Variants in PIGO observed in about 807,000 individuals in gnomAD.
The protein encoded by PIGO is phosphatidylinositol glycan anchor biosynthesis class O, also known as GPI ethanolamine phosphate transferase 3, catalytic subunit.
Under a neutral mutation model 86.9 loss-of-function variants are expected in PIGO, and 66 were observed. The ratio of observed to expected loss-of-function variants is 0.76; its 90% CI spans 0.62 to 0.93. The LOEUF (loss-of-function observed/expected upper bound fraction) is 0.93. Among genes scored for constraint, PIGO ranks in the 40% least tolerant of loss-of-function variants. The pLI is 0.00. For missense variants in PIGO, 1,202 were observed against 1,359.1 expected (o/e 0.88, Z 1.82); for synonymous variants, 570 against 556.4 (o/e 1.02, Z -0.34).
chr9:35,091,392 T>C lies in PIGO; in HGVS notation c.2495A>G (p.Tyr832Cys), dbSNP rs891803907. Residue 832 changes from tyrosine (Y) to cysteine (C), a missense_variant, in exon 7 of 11, where the codon TAC (tyrosine) becomes TGC (cysteine). Transcript: ENST00000378617. ...GAGGGCTGTGACCATAGCAGCTGAG[T>C]AGACACTCCCCAACTGATAAGCAGC... ...TVAAYQLGSV[Y>C]SAAMVTALTL... 6.2e-7 allele frequency: 1 copy of C among 1,613,844 alleles called. No individual in the cohort carries two copies. Among genetic ancestry groups the C allele is most frequent in the Admixed American group, 1.7e-5 (1 of 59,994 alleles).
chr9:35,092,976 TTCTTTCATGCCCACCC>T, intron 6 of PIGO, 38 bp downstream of exon 6: 1 of 1,556,276 alleles, frequency 6.4e-7, no homozygotes, highest in South Asian at 1.2e-5. Context: ...TTCATTATGC[TTCTTTCATGCCCACCC>T]TAGCTCTGTC....
chr9:35,090,932 A>T (rs890868029), intron 7 of PIGO: 1 of 569,212 alleles, frequency 1.8e-6, no homozygotes, highest in Non-Finnish European at 3.1e-6. Context: ...GCCATTATAT[A>T]TTCACAATTT....
rs1436127368 is a variant in PIGO at position 35,091,839 on chromosome 9, G to A, written c.2048C>T (p.Ala683Val). 2 of 1,614,026 alleles carry A rather than the reference G, an allele frequency of 1.2e-6. No individual in the cohort carries two copies. Among genetic ancestry groups the A allele is most frequent in the Non-Finnish European group, 1.7e-6 (2 of 1,180,046 alleles). Residue 683 changes from alanine (A) to valine (V), a missense_variant, in exon 7 of 11, where the codon GCC (alanine) becomes GTC (valine). Ala to Val is a moderately conservative substitution (Grantham distance 64). Transcript: ENST00000378617. Reference protein sequence around the residue: ...CVAALVALLAAVRLWLRRYGN... With the variant: ...CVAALVALLAVVRLWLRRYGN... The stretch of plus-strand genomic sequence containing the variant: ...ATAGCGGCGAAGCCACAAGCGCACG[G>A]CAGCTAACAGGGCCACCAGCGCCGC...
chr9:35,092,697 T>C lies in PIGO; in HGVS notation c.1190A>G (p.Gln397Arg), dbSNP rs752048368. The change falls in exon 7 of 11, where the codon CAG (glutamine) becomes CGG (arginine). Residue 397 changes from glutamine (Q) to arginine (R), a missense_variant. Transcript: ENST00000378617. ...DLQAKELHQL[Q>R]NLFSKASADY... ...AGCAGAGGCCTTGGAGAAGAGGTTC[T>C]GCAGCTGATGAAGCTCCTTAGCTTG... is the stretch of plus-strand genomic sequence containing the variant. 6.2e-7 allele frequency: 1 copy of C among 1,614,104 alleles called. No individual in the cohort carries two copies. The highest frequency in any genetic ancestry group is 2.2e-5 in the East Asian group (1 of 44,884).
At chr9:35,094,082 A>G (rs1829560112) in intron 3 of PIGO, 58 bp from the exon 4 acceptor site, 5 of 1,587,050 alleles carry the variant, frequency 3.2e-6, no homozygotes, top group Non-Finnish European at 4.3e-6. Context: ...AACCCCAGCC[A>G]GGCTTTGACA....
Position 35,091,365 on chromosome 9 carries a change from G to A in PIGO, c.2522C>T (p.Thr841Ile), listed in dbSNP as rs371089504. Residue 841 changes from threonine (T) to isoleucine (I), a missense_variant, in exon 7 of 11, where the codon ACC becomes ATC. Transcript: ENST00000378617. ...CAGCAGAAGTGGGAAGGCCAACAGG[G>A]TGAGGGCTGTGACCATAGCAGCTGA... Reference protein sequence around the residue: ...VYSAAMVTALTLLAFPLLLLH... With the variant: ...VYSAAMVTALILLAFPLLLLH... 5.6e-6 allele frequency: 9 copies of A among 1,614,218 alleles called. No homozygotes were observed. The African/African-American group carries it at 1.2e-4, about 22-fold the overall frequency.
In PIGO at chr9:35,091,313, C is replaced by G. The variant is rs188635839; in HGVS notation, c.2574G>C (p.Val858=). ...LLLHAERISL[V]FLLLFLQSFL... ...AGCTCTGCAGAAACAGAAGCAGGAA[C>G]ACAAGGCTGATGCGCTCCGCATGCA... Residue 858 remains valine, a synonymous_variant, in exon 7 of 11, where the codon GTG becomes GTC. Coordinates refer to ENST00000378617, the MANE Select transcript of PIGO (RefSeq NM_032634.4). 9 of 1,614,028 alleles carry G rather than the reference C, an allele frequency of 5.6e-6. No individual in the cohort carries two copies. The Admixed American group carries it at 1.2e-4, about 21-fold the overall frequency.
chr9:35,089,353 C>A (rs1371960662), intron 10 of PIGO, 27 bp downstream of exon 10: 1 of 1,614,216 alleles, frequency 6.2e-7, no homozygotes. Flanking sequence ...TCCCCACCAC[C>A]TCTACTTCTC....
Position 35,091,652 on chromosome 9 carries a change from C to T in PIGO, c.2235G>A (p.Arg745=), listed in dbSNP as rs1286743624. Residue 745 remains arginine (R), a synonymous_variant, in exon 7 of 11, where the codon CGG becomes CGA. Transcript: ENST00000378617. ...CTGAAGCAGCCAGCCCTGCTACAGCCCGAGGCAGCACCATGGATGCCCCAG... is the reference window on the plus strand; with the variant it reads ...CTGAAGCAGCCAGCCCTGCTACAGCTCGAGGCAGCACCATGGATGCCCCAG... The part of the protein sequence containing the change: ...LVSGASMVLP[R]AVAGLAASGL... 3.7e-6 allele frequency: 6 copies of T among 1,613,246 alleles called. No homozygotes were observed. Among genetic ancestry groups the T allele is most frequent in the Admixed American group, 1.7e-5 (1 of 60,018 alleles).
In PIGO at chr9:35,092,098, G is replaced by A. The variant is rs1829451050; in HGVS notation, c.1789C>T (p.Pro597Ser). The A allele has an allele frequency of 1.2e-6, 2 of 1,614,244 alleles. No individual in the cohort carries two copies. The highest frequency in any genetic ancestry group is 1.1e-5 in the South Asian group (1 of 91,092). Residue 597 changes from proline to serine, a missense_variant, in exon 7 of 11, where the codon CCT becomes TCT. Coordinates refer to ENST00000378617, the MANE Select transcript of PIGO (RefSeq NM_032634.4). ...QLHWEGQLLP[P>S]KLLTMPRLGT... ...AGGCGGGGCATTGTGAGTAGCTTAG[G>A]TGGAAGCAGCTGGCCCTCCCAGTGA...
At position 35,093,726 on chromosome 9, in the gene PIGO, C is replaced by G. The variant is rs1275194408; in HGVS notation, c.780-146G>C. ...CTTTGGCAAAGAGACATGTCTTCGGCCATGATCCTGATGCCCAAAGCTACA... is the reference window on the plus strand; with the variant it reads ...CTTTGGCAAAGAGACATGTCTTCGGGCATGATCCTGATGCCCAAAGCTACA... On this transcript the variant is annotated intron_variant, in intron 4 of 10. Coordinates refer to ENST00000378617, the MANE Select transcript of PIGO (RefSeq NM_032634.4). The G allele has an allele frequency of 1.2e-4, 171 of 1,422,050 alleles. 1 individual carries two copies. The highest frequency in any genetic ancestry group is 1.9e-5 in the Non-Finnish European group (20 of 1,062,208). 88.1% of individuals were successfully genotyped at this position (1,422,050 alleles called of 1,614,324 possible).
chr9:35,091,558 T>C lies in PIGO; in HGVS notation c.2329A>G (p.Arg777Gly), dbSNP rs1242402206. Residue 777 changes from arginine to glycine, a missense_variant, in exon 7 of 11, where the codon AGG becomes GGG. Coordinates refer to ENST00000378617, the MANE Select transcript of PIGO (RefSeq NM_032634.4). ...CCTGAGAAGGGAGTGAGGACAGTCC[T>C]GGTCCTTGGAGCGCCTGCCCCAGCC... Reference protein sequence around the residue: ...VKAGAGAPRTRTVLTPFSGPP... With the variant: ...VKAGAGAPRTGTVLTPFSGPP... 3 of 1,614,004 alleles carry C rather than the reference T, an allele frequency of 1.9e-6. No individual in the cohort carries two copies. The highest frequency in any genetic ancestry group is 2.2e-5 in the East Asian group (1 of 44,890).
intron 1 of PIGO, chr9:35,095,814 G>A: frequency 2.5e-6 from 1 of 394,532 alleles, no homozygotes; most frequent in East Asian, 4.7e-5. Context: ...AGGAGTTCGA[G>A]ACCAGCCTGG....
intron 9 of PIGO, 71 bp from the exon 10 acceptor site, chr9:35,089,521 A>G (rs556348233): frequency 6.2e-7 from 1 of 1,602,800 alleles, no homozygotes; most frequent in East Asian, 2.2e-5. Context: ...GAGAGTTTCT[A>G]TAGGCCCCTG....
intron 3 of PIGO, 52 bp from the exon 4 acceptor site, chr9:35,094,076 C>A (rs1165032059): frequency 6.3e-7 from 1 of 1,591,710 alleles, no homozygotes; most frequent in Admixed American, 1.7e-5. Flanking sequence ...CTCCTCAACC[C>A]CAGCCAGGCT....
chr9:35,089,859 T>C, intron 9 of PIGO: 1 of 1,416,624 alleles, frequency 7.1e-7, no homozygotes, highest in Non-Finnish European at 9.2e-7. Flanking sequence ...CAGATCTAGG[T>C]TGTAGAGGGG....
Position 35,093,013 on chromosome 9 carries a change from C to T in PIGO, c.1119+17G>A. On this transcript the variant is annotated intron_variant, in intron 6 of 10. Coordinates refer to ENST00000378617, the MANE Select transcript of PIGO (RefSeq NM_032634.4). ...CACCCTAGCTCTGTCACCTGGAAAC[C>T]CAGCCCGCTTACCTACCTGCTGAGC... is the stretch of plus-strand genomic sequence containing the variant. 2 of 1,595,960 alleles carry T rather than the reference C, an allele frequency of 1.3e-6. No individual in the cohort carries two copies. The highest frequency in any genetic ancestry group is 1.7e-6 in the Non-Finnish European group (2 of 1,166,722).
At chr9:35,094,615 T>C (rs964377790) in intron 2 of PIGO, among the ~76,000 whole-genome samples, 5 of 152,206 alleles carry the variant, frequency 3.3e-5, no homozygotes, top group Non-Finnish European at 7.3e-5. Context: ...TGGGTATCTC[T>C]ACTGAGTTGT....
At chr9:35,092,823 C>T in intron 6 of PIGO, 56 bp from the exon 7 acceptor site, 2 of 1,488,650 alleles carry the variant, frequency 1.3e-6, no homozygotes, top group Non-Finnish European at 9.1e-7. Context: ...TAAATTGGGG[C>T]AGAGGCAAGA....
Sources: allele counts gnomAD v4.1 joint callset (sites outside exome capture counted in the v4.1 genomes callset), GRCh38; gene constraint gnomAD v4.1.1; transcripts MANE v1.5; gene names NCBI Gene and HGNC (gene_info 2026-07-23, HGNC 2026-07-21).